MED12L: variants seen among roughly 807,000 people sequenced by gnomAD.
MED12L encodes mediator complex subunit 12L, also known as mediator of RNA polymerase II transcription subunit 12-like protein.
Under a neutral mutation model 281.3 loss-of-function variants are expected in MED12L, and 60 were observed. The observed-to-expected ratio is 0.21, with a 90% CI of 0.17 to 0.26. The LOEUF (loss-of-function observed/expected upper bound fraction) is 0.26. Ranked by LOEUF, MED12L falls within the 10% of genes least tolerant of loss-of-function variation. MED12L has a pLI of 1.00. For synonymous variants in MED12L, 974 were observed against 987.2 expected, an observed-to-expected ratio of 0.99 and a Z score of 0.25; for missense variants, 2,146 against 2,680.9, an observed-to-expected ratio of 0.80 and a Z score of 4.41.
intron 4 of MED12L, among the ~76,000 whole-genome samples, chr3:151,126,983 A>G (rs1440544904): frequency 6.6e-6 from 1 of 152,100 alleles, no homozygotes; most frequent in Non-Finnish European, 1.5e-5. Context: ...CCTCAGTCTC[A>G]TTGCTCTCAT....
At chr3:151,355,044 T>A in intron 17 of MED12L, 77 bp from the exon 18 acceptor site, 1 of 1,044,760 alleles carries the variant, frequency 9.6e-7, no homozygotes, top group East Asian at 2.4e-5. Context: ...TGCTATACTT[T>A]AAAAAAAAGT....
chr3:151,354,285 T>G (rs1753654037), intron 17 of MED12L, among the ~76,000 whole-genome samples: 1 of 152,140 alleles, frequency 6.6e-6, no homozygotes, highest in African/African-American at 2.4e-5. Context: ...AAGCTAGCTT[T>G]GGATTTTATT....
intron 11 of MED12L, among the ~76,000 whole-genome samples, chr3:151,168,820 C>T (rs970190552): frequency 9.2e-5 from 14 of 152,070 alleles, no homozygotes; most frequent in Non-Finnish European, 1.9e-4. Context: ...ATTTTCATGC[C>T]TCAGCCTCCC....
chr3:151,435,613 T>G lies in MED12L; in HGVS notation c.*2809T>G, dbSNP rs1460400787. ...GGCATTTTTTTCCCATTTATAAAGC[T>G]CCTATAATTCTTAAGTAAGTACTAG... On this transcript the variant is annotated 3_prime_UTR_variant, in exon 45 of 45. Coordinates refer to ENST00000687756, the MANE Select transcript of MED12L (RefSeq NM_001393769.1). 1.2e-5 allele frequency: 1 copy of G among 81,478 alleles called. No individual in the cohort carries two copies. The highest frequency in any genetic ancestry group is 4.0e-5 in the African/African-American group (1 of 25,110). 5.0% of individuals were successfully genotyped at this position (81,478 alleles called of 1,614,324 possible). A position where few individuals can be genotyped will look rare whatever the true frequency, so the allele number is the denominator to read the frequency against.
intron 21 of MED12L, 84 bp from the exon 22 acceptor site, chr3:151,364,895 C>A (rs762546173): frequency 2.9e-5 from 27 of 947,184 alleles, no homozygotes; most frequent in Non-Finnish European, 3.9e-5. Context: ...CAGTTCCTGC[C>A]ATTTAATATG....
At chr3:151,184,181 A>G (rs1723008920) in intron 11 of MED12L, among the ~76,000 whole-genome samples, 1 of 152,230 alleles carries the variant, frequency 6.6e-6, no homozygotes, top group African/African-American at 2.4e-5. Context: ...AATTTAGGGT[A>G]TGATGAATAA....
intron 16 of MED12L, among the ~76,000 whole-genome samples, chr3:151,249,699 A>T (rs914508593): frequency 2.0e-5 from 3 of 151,656 alleles, no homozygotes; most frequent in Non-Finnish European, 4.4e-5. Flanking sequence ...TCTTCGTATT[A>T]CTCCTTGACT....
intron 2 of MED12L, among the ~76,000 whole-genome samples, chr3:151,096,006 T>C (rs910308449): frequency 2.0e-5 from 3 of 152,200 alleles, no homozygotes; most frequent in African/African-American, 7.2e-5. Context: ...CTGATAAAAG[T>C]ACAGGCACAG....
intron 16 of MED12L, among the ~76,000 whole-genome samples, chr3:151,266,262 C>CCAAGGTA (rs1739817298): frequency 6.6e-6 from 1 of 152,136 alleles, no homozygotes; most frequent in Non-Finnish European, 1.5e-5. Context: ...TATTCAACAT[C>CCAAGGTA]TTCTATTAAA....
intron 3 of MED12L, among the ~76,000 whole-genome samples, chr3:151,118,222 A>G (rs1240833716): frequency 6.6e-6 from 1 of 152,152 alleles, no homozygotes. Flanking sequence ...CACACATACA[A>G]ATGAAAAGAA....
intron 2 of MED12L, among the ~76,000 whole-genome samples, chr3:151,088,115 T>G (rs1300487669): frequency 6.6e-6 from 1 of 152,256 alleles, no homozygotes; most frequent in Non-Finnish European, 1.5e-5. Context: ...TTGATAAGTG[T>G]ATCTTTCATT....
At position 151,086,887 on chromosome 3, in the gene MED12L, C is replaced by T. The variant is rs1719293974; in HGVS notation, c.-40C>T. On this transcript the variant is annotated 5_prime_UTR_variant, in exon 2 of 45. Coordinates refer to ENST00000687756, the MANE Select transcript of MED12L (RefSeq NM_001393769.1). Reference sequence around the variant, plus strand: ...TGGTGCTCAGAGGCGGCTGCTCCAGCTCCAACTCTCATTCATTTCGCCGGT... The same window carrying T: ...TGGTGCTCAGAGGCGGCTGCTCCAGTTCCAACTCTCATTCATTTCGCCGGT... The T allele has an allele frequency of 6.6e-7, 1 of 1,516,814 alleles. No homozygotes were observed. 94.0% of individuals were successfully genotyped at this position (1,516,814 alleles called of 1,614,324 possible).
intron 16 of MED12L, among the ~76,000 whole-genome samples, chr3:151,281,754 C>T (rs760094333): frequency 1.3e-5 from 2 of 152,170 alleles, no homozygotes; most frequent in Non-Finnish European, 2.9e-5. Context: ...CCACCCCTAG[C>T]CCACCCCACG....
intron 40 of MED12L, among the ~76,000 whole-genome samples, 167 bp from the exon 41 acceptor site, chr3:151,411,111 C>G (rs1044237399): frequency 2.6e-5 from 4 of 152,154 alleles, no homozygotes; most frequent in Admixed American, 6.5e-5. Context: ...TGACCATATT[C>G]CCTGCATCCA....
Position 151,116,424 on chromosome 3 carries a change from T to C in MED12L, c.186T>C (p.Ile62=). The change falls in exon 3 of 45, where the codon ATT becomes ATC. Residue 62 remains isoleucine, a synonymous_variant. Coordinates refer to ENST00000687756, the MANE Select transcript of MED12L (RefSeq NM_001393769.1). ...ATGAACATGGCTCAGCCAGAAATAT[T>C]GTAATTAACCCATCAAAGGTAATGT... ...TGDEHGSARN[I]VINPSKIGAY... 1 of 1,611,102 alleles carries C rather than the reference T, an allele frequency of 6.2e-7. No individual in the cohort carries two copies. Among genetic ancestry groups the C allele is most frequent in the Non-Finnish European group, 8.5e-7 (1 of 1,177,600 alleles).
Position 151,191,930 on chromosome 3 carries a change from A to T in MED12L, c.1969-620A>T, listed in dbSNP as rs535937830. On this transcript the variant is annotated intron_variant, in intron 14 of 44. Coordinates refer to ENST00000687756, the MANE Select transcript of MED12L (RefSeq NM_001393769.1). ...AAAAAAACAAACAAAAAAAAAAAAAACACCTCACAGTTTAGGCATATACCA... is the reference window on the plus strand; with the variant it reads ...AAAAAAACAAACAAAAAAAAAAAAATCACCTCACAGTTTAGGCATATACCA... Among the ~76,000 whole-genome samples the T allele has an allele frequency of 1.5e-4, 23 of 152,204 alleles. No homozygotes were observed. In the South Asian group the frequency reaches 4.4e-3, roughly 29 times the overall value.
chr3:151,195,702 A>T (rs1724553968), intron 16 of MED12L, among the ~76,000 whole-genome samples: 1 of 152,208 alleles, frequency 6.6e-6, no homozygotes. Flanking sequence ...TGGGTAAAAA[A>T]GGGAGACAAT....
chr3:151,291,150 GTTTT>G (rs59482240), intron 16 of MED12L, among the ~76,000 whole-genome samples: 108 of 127,546 alleles, frequency 8.5e-4, no homozygotes, highest in South Asian at 1.9e-3. Context: ...CTTGTTTTCT[GTTTT>G]TTTTTTTTTT....
At chr3:151,198,649 A>G (rs774905881) in intron 16 of MED12L, 2 of 1,614,088 alleles carry the variant, frequency 1.2e-6, no homozygotes, top group South Asian at 2.2e-5. Flanking sequence ...GGCTGAGGGT[A>G]TACGGGATTC....
Sources: allele counts gnomAD v4.1 joint callset (sites outside exome capture counted in the v4.1 genomes callset), GRCh38; gene constraint gnomAD v4.1.1; transcripts MANE v1.5; gene names NCBI Gene and HGNC (gene_info 2026-07-23, HGNC 2026-07-21).